Variants in MAPK8 observed in about 807,000 individuals in gnomAD.
The protein encoded by MAPK8 is mitogen-activated protein kinase 8.
Under a neutral mutation model 52.9 loss-of-function variants are expected in MAPK8, and 13 were observed. The ratio of observed to expected loss-of-function variants is 0.25; its 90% CI spans 0.16 to 0.39. The LOEUF (loss-of-function observed/expected upper bound fraction) is 0.39, where lower values mean the gene tolerates loss of function less well. Among genes scored for constraint, MAPK8 ranks in the 10% least tolerant of loss-of-function variants. The probability of loss-of-function intolerance (pLI) is 1.00; values close to 1 mark genes in which losing one functional copy is unlikely to be tolerated. For synonymous variants in MAPK8, 191 were observed against 169.8 expected (o/e 1.12, Z -0.97); for missense variants, 300 against 519.2 (o/e 0.58, Z 4.10).
At chr10:48,363,609 A>C (rs1847761428) in intron 1 of MAPK8, among the ~76,000 whole-genome samples, 1 of 152,192 alleles carries the variant, frequency 6.6e-6, no homozygotes, top group South Asian at 2.1e-4. Context: ...ATTTTAATGT[A>C]CTGTTCCAAA....
intron 9 of MAPK8, 176 bp downstream of exon 9, chr10:48,426,680 C>T (rs1713532955): frequency 3.2e-6 from 2 of 621,910 alleles, no homozygotes; most frequent in South Asian, 4.4e-5. Flanking sequence ...TCGAGCCCCT[C>T]CTACACAAAA....
intron 1 of MAPK8, among the ~76,000 whole-genome samples, chr10:48,330,807 G>A (rs1013044479): frequency 5.3e-5 from 8 of 151,970 alleles, no homozygotes; most frequent in African/African-American, 1.7e-4. Context: ...CCTTCCCCCC[G>A]TAACTTTCAA....
At chr10:48,432,984 T>C (rs1189518456) in intron 11 of MAPK8, among the ~76,000 whole-genome samples, 2 of 152,200 alleles carry the variant, frequency 1.3e-5, no homozygotes, top group Non-Finnish European at 2.9e-5. Flanking sequence ...CCATTTCCAC[T>C]TGATTTTTAA....
intron 1 of MAPK8, among the ~76,000 whole-genome samples, chr10:48,395,076 C>T (rs2041822960): frequency 6.6e-6 from 1 of 151,762 alleles, no homozygotes; most frequent in Admixed American, 6.6e-5. Context: ...ACTATAATAC[C>T]ATTTCTCCCC....
chr10:48,319,136 A>G (rs1842759379), intron 1 of MAPK8, among the ~76,000 whole-genome samples: 1 of 152,178 alleles, frequency 6.6e-6, no homozygotes, highest in African/African-American at 2.4e-5. Flanking sequence ...TAGGTTATAG[A>G]ATTTTGGGAG....
At chr10:48,319,863 A>G (rs1226631529) in intron 1 of MAPK8, among the ~76,000 whole-genome samples, 1 of 151,924 alleles carries the variant, frequency 6.6e-6, no homozygotes, top group Non-Finnish European at 1.5e-5. Context: ...TTCACTTAGC[A>G]TGATGTTTTT....
chr10:48,309,070 A>G (rs2132047022), intron 1 of MAPK8, among the ~76,000 whole-genome samples: 1 of 152,368 alleles, frequency 6.6e-6, no homozygotes, highest in South Asian at 2.1e-4. Context: ...TAGTTAGGGT[A>G]TGTCAGATTC....
At chr10:48,339,111 T>A (rs1112268) in intron 1 of MAPK8, among the ~76,000 whole-genome samples, 124,268 of 152,154 alleles carry the variant, frequency 0.82, 51,052 homozygotes, top group African/African-American at 0.91. Context: ...GGAAATACAA[T>A]AGAGCCTAAA....
intron 2 of MAPK8, 108 bp downstream of exon 2, chr10:48,401,890 A>G: frequency 1.1e-6 from 1 of 941,300 alleles, no homozygotes; most frequent in Non-Finnish European, 1.5e-6. Context: ...GAAAAATTAA[A>G]TTAAAACTAA....
chr10:48,312,682 A>G (rs796352710), intron 1 of MAPK8, among the ~76,000 whole-genome samples: 4 of 152,296 alleles, frequency 2.6e-5, no homozygotes, highest in African/African-American at 9.6e-5. Flanking sequence ...AGATAAAGAA[A>G]AGCTACTGCT....
intron 10 of MAPK8, 142 bp downstream of exon 10, chr10:48,427,285 A>C (rs1347185381): frequency 1.8e-6 from 1 of 547,480 alleles, no homozygotes; most frequent in Non-Finnish European, 3.3e-6. Flanking sequence ...ACATAAGTAG[A>C]AAGTAAGTCT....
intron 5 of MAPK8, among the ~76,000 whole-genome samples, chr10:48,415,139 A>G (rs1036435824): frequency 2.6e-5 from 4 of 152,128 alleles, no homozygotes; most frequent in Admixed American, 6.6e-5. Context: ...TGCAATCTTT[A>G]AATAACATAA....
chr10:48,404,875 A>G lies in MAPK8; in HGVS notation c.146A>G (p.Glu49Gly), dbSNP rs1233762287. 6.2e-7 allele frequency: 1 copy of G among 1,607,244 alleles called. No homozygotes were observed. The highest frequency in any genetic ancestry group is 8.5e-7 in the Non-Finnish European group (1 of 1,176,794). ...IVCAAYDAIL[E>G]RNVAIKKLSR... ...AGCGCAGCTTATGATGCCATTCTTG[A>G]AAGAAATGTTGCAATCAAGAAGCTA... The change falls in exon 3 of 12, where the codon GAA (glutamate) becomes GGA (glycine). Residue 49 changes from glutamate (E) to glycine (G), a missense_variant. Around this residue, in one of 3 missense-constraint regions of MAPK8, gnomAD observed 147 missense variants for 328.1 expected, o/e 0.45. Transcript: ENST00000374189.
intron 1 of MAPK8, among the ~76,000 whole-genome samples, chr10:48,338,981 A>G (rs1224712957): frequency 6.6e-6 from 1 of 152,152 alleles, no homozygotes; most frequent in African/African-American, 2.4e-5. Flanking sequence ...GATTGAAAGA[A>G]TCAACATTGT....
At chr10:48,341,525 G>GT (rs1564504552) in intron 1 of MAPK8, among the ~76,000 whole-genome samples, 1 of 152,142 alleles carries the variant, frequency 6.6e-6, no homozygotes, top group Non-Finnish European at 1.5e-5. Flanking sequence ...ACACTTTTTG[G>GT]TTACAAGCAT....
At position 48,393,401 on chromosome 10, in the gene MAPK8, C is replaced by T. The variant is rs77182760; in HGVS notation, c.-49-8211C>T. Among the ~76,000 whole-genome samples, 340 of 152,264 alleles carry T rather than the reference C, an allele frequency of 2.2e-3. 2 individuals are homozygous for T. The highest frequency in any genetic ancestry group is 7.9e-3 in the African/African-American group (327 of 41,568). Reference sequence around the variant, plus strand: ...AAATTTGAAGGACTCAAATTCTCTACCCCTTACATTGTAACCATAGTCAAT... The same window carrying T: ...AAATTTGAAGGACTCAAATTCTCTATCCCTTACATTGTAACCATAGTCAAT... On this transcript the variant is annotated intron_variant, in intron 1 of 11. Coordinates refer to ENST00000374189, the MANE Select transcript of MAPK8 (RefSeq NM_001323329.2).
chr10:48,348,700 T>C (rs528222241), intron 1 of MAPK8, among the ~76,000 whole-genome samples: 9 of 152,288 alleles, frequency 5.9e-5, no homozygotes, highest in African/African-American at 2.2e-4. Flanking sequence ...TCGTTGTAGA[T>C]GTGTGGTGTT....
chr10:48,334,339 G>A (rs927371970), intron 1 of MAPK8, among the ~76,000 whole-genome samples: 1 of 152,108 alleles, frequency 6.6e-6, no homozygotes, highest in Non-Finnish European at 1.5e-5. Context: ...TGCACACCCC[G>A]AGAATCGCTT....
chr10:48,345,515 G>C (rs1845681737), intron 1 of MAPK8, among the ~76,000 whole-genome samples: 1 of 152,098 alleles, frequency 6.6e-6, no homozygotes, highest in African/African-American at 2.4e-5. Context: ...ACACACCTTT[G>C]CCTATCAAGC....
Sources: allele counts gnomAD v4.1 joint callset (sites outside exome capture counted in the v4.1 genomes callset), GRCh38; gene constraint gnomAD v4.1.1; regional missense constraint gnomAD v4.1.1; transcripts MANE v1.5; gene names NCBI Gene and HGNC (gene_info 2026-07-23, HGNC 2026-07-21).